TMEM117: variants seen among roughly 807,000 people sequenced by gnomAD.
TMEM117 encodes the protein transmembrane protein 117.
A neutral mutation model predicts 52.4 loss-of-function variants in TMEM117; 27 were observed. The observed-to-expected ratio is 0.51, with a 90% CI of 0.38 to 0.71. TMEM117 has a LOEUF of 0.71. Ranked by LOEUF, TMEM117 falls within the 30% of genes least tolerant of loss-of-function variation. TMEM117 has a pLI of 0.00. For synonymous variants in TMEM117, 215 were observed against 206.3 expected (o/e 1.04, Z -0.36); for missense variants, 556 against 630.5 (o/e 0.88, Z 1.26).
chr12:43,960,386 G>A (rs1356037414), intron 3 of TMEM117, among the ~76,000 whole-genome samples: 9 of 152,110 alleles, frequency 5.9e-5, no homozygotes, highest in Non-Finnish European at 1.2e-4. Context: ...TTAGCTAGAG[G>A]AAACAGCAGT....
At chr12:44,060,407 G>A (rs762843384) in intron 3 of TMEM117, among the ~76,000 whole-genome samples, 8 of 152,140 alleles carry the variant, frequency 5.3e-5, no homozygotes, top group Admixed American at 1.3e-4. Flanking sequence ...GGGAAACTGG[G>A]AGAGTATTCT....
rs138626681 is a variant in TMEM117, at chr12:43,859,213, C to A, written c.277+14285C>A. 1.1e-3 allele frequency among the ~76,000 whole-genome samples: 166 copies of A among 152,238 alleles called. 2 individuals carry two copies. Among genetic ancestry groups the A allele is most frequent in the Admixed American group, 9.9e-3 (152 of 15,292 alleles). On this transcript the variant is annotated intron_variant, in intron 2 of 7. Coordinates refer to ENST00000266534, the MANE Select transcript of TMEM117 (RefSeq NM_032256.3). ...CTGAGCTTTGCCATTACAACTCCAG[C>A]GGAATTCTGTTGGAGGGAGGAGGGC...
intron 2 of TMEM117, among the ~76,000 whole-genome samples, chr12:43,894,064 T>C (rs772590311): frequency 6.6e-6 from 1 of 152,202 alleles, no homozygotes; most frequent in Non-Finnish European, 1.5e-5. Context: ...GGAACTGACA[T>C]ACCAATACTT....
chr12:43,903,088 G>C (rs932252418), intron 2 of TMEM117, among the ~76,000 whole-genome samples: 6 of 152,112 alleles, frequency 3.9e-5, no homozygotes, highest in Non-Finnish European at 7.4e-5. Context: ...TGATTTTCTA[G>C]AGTCCAGTTA....
the TMEM117 span, among the ~76,000 whole-genome samples, chr12:43,821,085 A>G: frequency 4.7e-5 from 7 of 148,014 alleles, no homozygotes; most frequent in Non-Finnish European, 8.9e-5. Flanking sequence ...ACAAAGCAAG[A>G]CTCCCTCTCA....
intron 2 of TMEM117, among the ~76,000 whole-genome samples, chr12:43,931,692 T>C (rs1185736051): frequency 1.3e-5 from 2 of 152,256 alleles, no homozygotes; most frequent in Admixed American, 6.5e-5. Context: ...GCACTTCTTT[T>C]TGAGTTTAGT....
intron 4 of TMEM117, among the ~76,000 whole-genome samples, chr12:44,195,613 A>C (rs1167967834): frequency 3.3e-5 from 5 of 152,054 alleles, no homozygotes; most frequent in Admixed American, 1.3e-4. Context: ...AACCTAAAAC[A>C]AAGTTGATAT....
intron 3 of TMEM117, among the ~76,000 whole-genome samples, chr12:43,955,186 A>T (rs1450438917): frequency 6.6e-6 from 1 of 152,212 alleles, no homozygotes; most frequent in African/African-American, 2.4e-5. Context: ...TATCAATAAC[A>T]TACCGAATGG....
At chr12:43,885,830 C>T (rs960860240) in intron 2 of TMEM117, among the ~76,000 whole-genome samples, 1 of 152,092 alleles carries the variant, frequency 6.6e-6, no homozygotes, top group African/African-American at 2.4e-5. Context: ...CCAGTGAAGG[C>T]TTCCTGGAGA....
intron 3 of TMEM117, among the ~76,000 whole-genome samples, chr12:44,067,615 G>A (rs1043988517): frequency 6.6e-6 from 1 of 152,118 alleles, no homozygotes; most frequent in Admixed American, 6.5e-5. Context: ...TTTCTGAACA[G>A]TATGTCTCAA....
chr12:44,316,721 A>G (rs1734133457), intron 6 of TMEM117, among the ~76,000 whole-genome samples: 1 of 152,086 alleles, frequency 6.6e-6, no homozygotes, highest in South Asian at 2.1e-4. Flanking sequence ...AATGCCAGTA[A>G]TTTATAAATT....
intron 4 of TMEM117, among the ~76,000 whole-genome samples, chr12:44,199,057 C>T (rs1482150060): frequency 6.6e-6 from 1 of 152,142 alleles, no homozygotes; most frequent in Non-Finnish European, 1.5e-5. Flanking sequence ...CACCTCACCT[C>T]TTCTCCAATT....
intron 5 of TMEM117, among the ~76,000 whole-genome samples, chr12:44,249,380 A>G (rs1338512827): frequency 1.3e-5 from 2 of 152,210 alleles, no homozygotes; most frequent in Non-Finnish European, 2.9e-5. Flanking sequence ...TTCCATGGAT[A>G]GGAAGAATCA....
chr12:44,259,997 A>G (rs1950303245), intron 5 of TMEM117, among the ~76,000 whole-genome samples: 1 of 152,192 alleles, frequency 6.6e-6, no homozygotes, highest in Non-Finnish European at 1.5e-5. Flanking sequence ...TTAGAACACC[A>G]TGTGAAACCT....
At chr12:44,326,402 T>C (rs1951196422) in intron 6 of TMEM117, among the ~76,000 whole-genome samples, 1 of 152,164 alleles carries the variant, frequency 6.6e-6, no homozygotes, top group African/African-American at 2.4e-5. Context: ...AGTGAAGAAC[T>C]GGAAAGTGTG....
chr12:44,373,061 A>T (rs1352779062), intron 6 of TMEM117, among the ~76,000 whole-genome samples: 6 of 152,250 alleles, frequency 3.9e-5, no homozygotes, highest in African/African-American at 1.4e-4. Flanking sequence ...ATATACAGGA[A>T]TATACAGCCT....
chr12:43,831,536 GT>G (rs1298507605), upstream of TMEM117, among the ~76,000 whole-genome samples: 3 of 147,716 alleles, frequency 2.0e-5, no homozygotes, highest in African/African-American at 7.8e-5. Flanking sequence ...GTCTCATGTG[GT>G]TACTTCTGAT....
chr12:44,347,479 A>T (rs1951503389), intron 6 of TMEM117, among the ~76,000 whole-genome samples: 1 of 152,074 alleles, frequency 6.6e-6, no homozygotes, highest in South Asian at 2.1e-4. Flanking sequence ...AATGGTATAT[A>T]TGTGTTTTGT....
At chr12:43,836,800 G>C (rs1159951175) in intron 1 of TMEM117, among the ~76,000 whole-genome samples, 1 of 151,810 alleles carries the variant, frequency 6.6e-6, no homozygotes, top group Non-Finnish European at 1.5e-5. Context: ...TGTGTGTGTG[G>C]GTGTGCGTGT....
Sources: allele counts gnomAD v4.1 joint callset (sites outside exome capture counted in the v4.1 genomes callset), GRCh38; gene constraint gnomAD v4.1.1; transcripts MANE v1.5; gene names NCBI Gene and HGNC (gene_info 2026-07-23, HGNC 2026-07-21).